The following SLC38A12 variants were observed in gnomAD, a reference collection of about 807,000 sequenced individuals.
SLC38A12 encodes the protein putative sodium-coupled neutral amino acid transporter 12.
chr17:74,834,451 G>A, the SLC38A12 span, among the ~76,000 whole-genome samples: 4 of 152,150 alleles, frequency 2.6e-5, no homozygotes. Context: ...GTCCCCGACA[G>A]TGTCAGGCAG....
the SLC38A12 span, among the ~76,000 whole-genome samples, chr17:74,832,330 C>T: frequency 1.3e-4 from 20 of 152,276 alleles, no homozygotes; most frequent in South Asian, 4.1e-4. Flanking sequence ...CTTCACTCTC[C>T]ACTCCCAGGG....
the SLC38A12 span, among the ~76,000 whole-genome samples, chr17:74,826,264 G>T: frequency 6.6e-6 from 1 of 152,208 alleles, no homozygotes; most frequent in African/African-American, 2.4e-5. Flanking sequence ...AGGCTTGATT[G>T]CTCCAGAGGC....
the SLC38A12 span, chr17:74,788,738 C>CT: frequency 6.5e-7 from 1 of 1,540,262 alleles, no homozygotes; most frequent in South Asian, 1.1e-5. Context: ...CCTTCTCTCT[C>CT]TGTCTCCTCC....
chr17:74,793,007 T>G, the SLC38A12 span, among the ~76,000 whole-genome samples: 1 of 152,226 alleles, frequency 6.6e-6, no homozygotes, highest in Admixed American at 6.5e-5. Context: ...TCCTTTCTCA[T>G]TTTCATGTTG....
the SLC38A12 span, among the ~76,000 whole-genome samples, chr17:74,785,066 G>C: frequency 6.6e-6 from 1 of 152,170 alleles, no homozygotes. Context: ...CACATGCTCA[G>C]TGATCTTGGA....
chr17:74,782,949 G>A, the SLC38A12 span, among the ~76,000 whole-genome samples: 7 of 152,144 alleles, frequency 4.6e-5, no homozygotes, highest in African/African-American at 1.7e-4. Flanking sequence ...TGACCAACAT[G>A]GTGAAACGCT....
chr17:74,795,558 G>T, the SLC38A12 span: 1 of 1,614,144 alleles, frequency 6.2e-7, no homozygotes, highest in Non-Finnish European at 8.5e-7. Context: ...CGGTGTGGAA[G>T]CAGACACCAA....
At chr17:74,817,553 C>A in the SLC38A12 span, among the ~76,000 whole-genome samples, 1 of 152,178 alleles carries the variant, frequency 6.6e-6, no homozygotes, top group Non-Finnish European at 1.5e-5. Flanking sequence ...ATACCACTTA[C>A]AATACCTTTC....
the SLC38A12 span, among the ~76,000 whole-genome samples, chr17:74,828,053 C>T: frequency 6.6e-6 from 1 of 152,220 alleles, no homozygotes; most frequent in African/African-American, 2.4e-5. Flanking sequence ...GATGGGCACA[C>T]TGCCGGCCAT....
At chr17:74,803,625 A>G in the SLC38A12 span, among the ~76,000 whole-genome samples, 2 of 152,138 alleles carry the variant, frequency 1.3e-5, no homozygotes, top group Non-Finnish European at 2.9e-5. Flanking sequence ...TGAGTGGTGC[A>G]GTCAGGGATA....
the SLC38A12 span, among the ~76,000 whole-genome samples, chr17:74,778,392 A>ACCTGCCTTCAACAGCTGC: frequency 6.6e-6 from 1 of 152,114 alleles, no homozygotes; most frequent in African/African-American, 2.4e-5. Context: ...CTAGAACTTG[A>ACCTGCCTTCAACAGCTGC]CCTGCCTTCA....
the SLC38A12 span, chr17:74,838,575 C>T: frequency 8.2e-7 from 1 of 1,212,826 alleles, no homozygotes; most frequent in Non-Finnish European, 1.0e-6. Context: ...GCCGTGTTCC[C>T]TGCCCTGGAG....
the SLC38A12 span, chr17:74,838,698 C>G: frequency 3.5e-6 from 5 of 1,432,440 alleles, no homozygotes; most frequent in Non-Finnish European, 4.6e-6. Flanking sequence ...GATGAGGTCA[C>G]CTTCCTCTCC....
the SLC38A12 span, among the ~76,000 whole-genome samples, chr17:74,778,141 T>C: frequency 6.6e-6 from 1 of 152,218 alleles, no homozygotes; most frequent in African/African-American, 2.4e-5. Flanking sequence ...TGGTGGACTC[T>C]GCAATTAGAA....
At chr17:74,776,838 G>T in the SLC38A12 span, among the ~76,000 whole-genome samples, 7 of 152,180 alleles carry the variant, frequency 4.6e-5, no homozygotes, top group African/African-American at 1.7e-4. Flanking sequence ...ATGTAGGAAA[G>T]CCCCCAGCTC....
chr17:74,830,998 C>G, the SLC38A12 span, among the ~76,000 whole-genome samples: 3 of 152,230 alleles, frequency 2.0e-5, no homozygotes, highest in Admixed American at 1.3e-4. Context: ...GGGGGCCCCC[C>G]TCCTCGTCTC....
At chr17:74,792,063 A>G in the SLC38A12 span, among the ~76,000 whole-genome samples, 4 of 151,914 alleles carry the variant, frequency 2.6e-5, no homozygotes, top group Non-Finnish European at 5.9e-5. Context: ...GGAGAATGGC[A>G]TGAATCCTGG....
the SLC38A12 span, among the ~76,000 whole-genome samples, chr17:74,801,164 T>C: frequency 6.6e-6 from 1 of 152,204 alleles, no homozygotes; most frequent in Non-Finnish European, 1.5e-5. Context: ...GCCCATCTTC[T>C]CTCCTTTCCT....
At chr17:74,794,189 G>A in the SLC38A12 span, among the ~76,000 whole-genome samples, 5 of 152,212 alleles carry the variant, frequency 3.3e-5, no homozygotes, top group South Asian at 1.0e-3. Flanking sequence ...GGCCCAGGTG[G>A]AATTCTTCTC....
Sources: allele counts gnomAD v4.1 joint callset (sites outside exome capture counted in the v4.1 genomes callset), GRCh38; gene constraint gnomAD v4.1.1; transcripts MANE v1.5; gene names NCBI Gene and HGNC (gene_info 2026-07-23, HGNC 2026-07-21).